B3GALT9: variants seen among roughly 807,000 people sequenced by gnomAD.
B3GALT9 encodes the protein beta-1,3-galactosyltransferase 9, also known as UDP-GlcNAc:betaGal beta-1,3-N-acetylglucosaminyltransferase 10 (putative).
At position 120,800,639 on chromosome 9, in the gene B3GALT9, C is replaced by T. The variant is rs186717798; in HGVS notation, c.*961C>T. Among the ~76,000 whole-genome samples the T allele has an allele frequency of 1.3e-5, 2 of 152,034 alleles. No homozygotes were observed. Among genetic ancestry groups the T allele is most frequent in the Admixed American group, 1.3e-4 (2 of 15,278 alleles). The stretch of plus-strand genomic sequence containing the variant: ...AAAAATTATGTATATTTATGTTGTA[C>T]AACATGTTTTGATATATGTATATGT... On this transcript the variant is annotated 3_prime_UTR_variant, in exon 3 of 3. Coordinates refer to ENST00000689072, the MANE Select transcript of B3GALT9 (RefSeq NM_001386823.1).
rs1300948311 is a variant in B3GALT9, at chr9:120,793,630, G to T, written c.-474G>T. 7.5e-6 allele frequency: 3 copies of T among 398,776 alleles called. No homozygotes were observed. The highest frequency in any genetic ancestry group is 1.3e-5 in the Non-Finnish European group (3 of 226,184). The allele number at this position is 398,776 out of a possible 1,614,324, so 24.7% of individuals were successfully genotyped here. A position where few individuals can be genotyped will look rare whatever the true frequency, so the allele number is the denominator to read the frequency against. ...AGGTTCCTTTCGTACCGTACATCCA[G>T]GTTTGCACAGCGCGCTTATGTCCCT... is the stretch of plus-strand genomic sequence containing the variant. On this transcript the variant is annotated 5_prime_UTR_variant, in exon 1 of 3. The change creates a new upstream start codon in the 5' untranslated region. Coordinates refer to ENST00000689072, the MANE Select transcript of B3GALT9 (RefSeq NM_001386823.1).
At position 120,793,616 on chromosome 9, in the gene B3GALT9, G is replaced by T. The variant is rs1172212901; in HGVS notation, c.-488G>T. 3 of 398,936 alleles carry T rather than the reference G, an allele frequency of 7.5e-6. No individual in the cohort carries two copies. The highest frequency in any genetic ancestry group is 3.6e-5 in the East Asian group (1 of 28,094). 24.7% of individuals were successfully genotyped at this position (398,936 alleles called of 1,614,324 possible). ...GCAACCTAGAACGGAGGTTCCTTTCGTACCGTACATCCAGGTTTGCACAGC... is the reference window on the plus strand; with the variant it reads ...GCAACCTAGAACGGAGGTTCCTTTCTTACCGTACATCCAGGTTTGCACAGC... On this transcript the variant is annotated 5_prime_UTR_variant, in exon 1 of 3. Coordinates refer to ENST00000689072, the MANE Select transcript of B3GALT9 (RefSeq NM_001386823.1).
At position 120,800,382 on chromosome 9, in the gene B3GALT9, G is replaced by A. The variant is rs2044963501; in HGVS notation, c.*704G>A. ...GATCCACCCGCCTGGGCCTCCCAAA[G>A]TGCTGGGATTACAGGTGTGAGCCAC... On this transcript the variant is annotated 3_prime_UTR_variant, in exon 3 of 3. Transcript: ENST00000689072. Among the ~76,000 whole-genome samples the A allele has an allele frequency of 6.6e-6, 1 of 151,628 alleles. No individual in the cohort carries two copies. The highest frequency in any genetic ancestry group is 2.4e-5 in the African/African-American group (1 of 41,248).
intron 1 of B3GALT9, among the ~76,000 whole-genome samples, chr9:120,795,411 G>T (rs1444768049): frequency 1.3e-5 from 2 of 152,196 alleles, no homozygotes; most frequent in African/African-American, 4.8e-5. Context: ...TTTAAGCCCA[G>T]AGGGGATCCA....
chr9:120,801,191 A>G lies in B3GALT9; in HGVS notation c.*1513A>G, dbSNP rs375097502. Among the ~76,000 whole-genome samples, 7 of 152,198 alleles carry G rather than the reference A, an allele frequency of 4.6e-5. No individual in the cohort carries two copies. Among genetic ancestry groups the G allele is most frequent in the African/African-American group, 1.7e-4 (7 of 41,448 alleles). On this transcript the variant is annotated 3_prime_UTR_variant, in exon 3 of 3. Coordinates refer to ENST00000689072, the MANE Select transcript of B3GALT9 (RefSeq NM_001386823.1). ...ATGTGGGGAGTGCAGATATCTCTTTAACATACTGATTTAATATCTTTTGGA... is the reference window on the plus strand; with the variant it reads ...ATGTGGGGAGTGCAGATATCTCTTTGACATACTGATTTAATATCTTTTGGA...
chr9:120,793,498 T>TGGGAGGC lies in B3GALT9; in HGVS notation c.-605_-599dup. Reference sequence around the variant, plus strand: ...CCGGTCCCCGCCCGGAGGTGGGTGGTGGGAGGCTGGAGGCCGGGAGTAGGG... The same window carrying TGGGAGGC: ...CCGGTCCCCGCCCGGAGGTGGGTGGTGGGAGGCGGGAGGCTGGAGGCCGGGAGTAGGG... On this transcript the variant is annotated 5_prime_UTR_variant, in exon 1 of 3. Transcript: ENST00000689072. 1 of 399,636 alleles carries TGGGAGGC rather than the reference T, an allele frequency of 2.5e-6. No homozygotes were observed. Among genetic ancestry groups the TGGGAGGC allele is most frequent in the Non-Finnish European group, 4.4e-6 (1 of 227,074 alleles). 24.8% of individuals were successfully genotyped at this position (399,636 alleles called of 1,614,324 possible).
At position 120,800,611 on chromosome 9, in the gene B3GALT9, A is replaced by T. The variant is rs1174447665; in HGVS notation, c.*933A>T. On this transcript the variant is annotated 3_prime_UTR_variant, in exon 3 of 3. Transcript: ENST00000689072. Reference sequence around the variant, plus strand: ...AAGTTTTTTTTTTTATAAACTGACTAGTAAAAATTATGTATATTTATGTTG... The same window carrying T: ...AAGTTTTTTTTTTTATAAACTGACTTGTAAAAATTATGTATATTTATGTTG... Among the ~76,000 whole-genome samples the T allele has an allele frequency of 1.3e-5, 2 of 152,100 alleles. No homozygotes were observed. The highest frequency in any genetic ancestry group is 3.9e-4 in the East Asian group (2 of 5,194).
intron 2 of B3GALT9, among the ~76,000 whole-genome samples, chr9:120,797,505 CAAA>C (rs987473010): frequency 3.0e-5 from 3 of 98,722 alleles, no homozygotes; most frequent in African/African-American, 3.9e-5. Context: ...GACTCCGTCT[CAAA>C]AAAAAAAAAA....
Position 120,793,515 on chromosome 9 carries a change from G to A in B3GALT9, c.-589G>A, listed in dbSNP as rs1409704007. ...GTGGGTGGTGGGAGGCTGGAGGCCG[G>A]GAGTAGGGGTGGGGAGAAGAGCGTC... On this transcript the variant is annotated 5_prime_UTR_variant, in exon 1 of 3. Transcript: ENST00000689072. 14 of 400,106 alleles carry A rather than the reference G, an allele frequency of 3.5e-5. No individual in the cohort carries two copies. The Admixed American group carries it at 5.3e-4, about 15-fold the overall frequency. The allele number at this position is 400,106 out of a possible 1,614,324, so 24.8% of individuals were successfully genotyped here. A position where few individuals can be genotyped will look rare whatever the true frequency, so the allele number is the denominator to read the frequency against.
At chr9:120,794,948 A>G (rs1298415561) in intron 1 of B3GALT9, among the ~76,000 whole-genome samples, 1 of 152,206 alleles carries the variant, frequency 6.6e-6, no homozygotes, top group East Asian at 1.9e-4. Context: ...GCACAGTCCA[A>G]TAATATAGAC....
At chr9:120,798,361 A>G (rs1006673195) in intron 2 of B3GALT9, among the ~76,000 whole-genome samples, 1 of 152,250 alleles carries the variant, frequency 6.6e-6, no homozygotes, top group Non-Finnish European at 1.5e-5. Context: ...CTTTGTGCCA[A>G]ATACTGGAAT....
intron 1 of B3GALT9, among the ~76,000 whole-genome samples, 190 bp from the exon 2 acceptor site, chr9:120,796,233 A>G (rs769915287): frequency 6.6e-6 from 1 of 152,228 alleles, no homozygotes; most frequent in African/African-American, 2.4e-5. Flanking sequence ...CAATGATGCT[A>G]TGGAGAAGTG....
Position 120,799,258 on chromosome 9 carries a change from T to C in B3GALT9, c.690T>C (p.Leu230=). The change falls in exon 3 of 3, where the codon CTT becomes CTC. Residue 230 remains leucine, a synonymous_variant. Transcript: ENST00000689072. ...RDPQNRDFVP[L]SEYPEKYYPD... ...CTCAGAACAGAGACTTTGTCCCTCT[T>C]AGTGAGTACCCAGAAAAATACTACC... The C allele has an allele frequency of 2.5e-6, 1 of 399,330 alleles. No homozygotes were observed. 24.7% of individuals were successfully genotyped at this position (399,330 alleles called of 1,614,324 possible). A position where few individuals can be genotyped will look rare whatever the true frequency, so the allele number is the denominator to read the frequency against.
chr9:120,795,760 G>A (rs1290649383), intron 1 of B3GALT9, among the ~76,000 whole-genome samples: 2 of 152,216 alleles, frequency 1.3e-5, no homozygotes, highest in Admixed American at 6.5e-5. Flanking sequence ...ATAATTGCTT[G>A]TGTGACAGGA....
At chr9:120,798,409 G>A (rs967920815) in intron 2 of B3GALT9, among the ~76,000 whole-genome samples, 166 bp from the exon 3 acceptor site, 12 of 152,186 alleles carry the variant, frequency 7.9e-5, no homozygotes, top group African/African-American at 2.7e-4. Flanking sequence ...GATGCCTGCT[G>A]TCCAGGAGAC....
At position 120,801,108 on chromosome 9, in the gene B3GALT9, C is replaced by T. The variant is rs1383242400; in HGVS notation, c.*1430C>T. Among the ~76,000 whole-genome samples, 1 of 152,170 alleles carries T rather than the reference C, an allele frequency of 6.6e-6. No homozygotes were observed. Among genetic ancestry groups the T allele is most frequent in the Non-Finnish European group, 1.5e-5 (1 of 68,042 alleles). The stretch of plus-strand genomic sequence containing the variant: ...GGATATATACCACATTTTCTTTATT[C>T]ATGCACTGGTGGACACTTAGATAGA... On this transcript the variant is annotated 3_prime_UTR_variant, in exon 3 of 3. Transcript: ENST00000689072.
At position 120,801,513 on chromosome 9, in the gene B3GALT9, G is replaced by T. The variant is rs929542622; in HGVS notation, c.*1835G>T. On this transcript the variant is annotated 3_prime_UTR_variant, in exon 3 of 3. Transcript: ENST00000689072. ...CCAGCACTTTGGGAGGCCAAGGCAGGTGGGTCACCTGAGATGGGAATTCAA... is the reference window on the plus strand; with the variant it reads ...CCAGCACTTTGGGAGGCCAAGGCAGTTGGGTCACCTGAGATGGGAATTCAA... Among the ~76,000 whole-genome samples the T allele has an allele frequency of 3.5e-4, 53 of 152,302 alleles. No individual in the cohort carries two copies. The highest frequency in any genetic ancestry group is 1.2e-3 in the African/African-American group (50 of 41,560).
chr9:120,793,673 C>T lies in B3GALT9; in HGVS notation c.-431C>T. 2.5e-6 allele frequency: 1 copy of T among 398,796 alleles called. No individual in the cohort carries two copies. The highest frequency in any genetic ancestry group is 4.4e-6 in the Non-Finnish European group (1 of 226,168). 24.7% of individuals were successfully genotyped at this position (398,796 alleles called of 1,614,324 possible). ...ATGTCCCTCCTCCAATCTGATCTTG[C>T]ACCAGCTCTGCAGTAGTTTTTCTTA... On this transcript the variant is annotated 5_prime_UTR_variant, in exon 1 of 3. Coordinates refer to ENST00000689072, the MANE Select transcript of B3GALT9 (RefSeq NM_001386823.1).
At chr9:120,796,885 C>T (rs569517630) in intron 2 of B3GALT9, among the ~76,000 whole-genome samples, 24 of 151,960 alleles carry the variant, frequency 1.6e-4, no homozygotes, top group African/African-American at 3.6e-4. Context: ...GGTGAAACTC[C>T]GTCTCTACTA....
Sources: gnomAD v4.1 joint callset for allele counts (sites outside exome capture counted in the v4.1 genomes callset) on GRCh38, gnomAD v4.1.1 for gene constraint, MANE v1.5 for transcripts, NCBI Gene and HGNC (gene_info 2026-07-23, HGNC 2026-07-21) for gene names.